CADPS2: variants seen among roughly 807,000 people sequenced by gnomAD.
The protein encoded by CADPS2 is calcium-dependent secretion activator 2.
CADPS2 carries 93 observed loss-of-function variants against 172.5 expected under a neutral mutation model. The ratio of observed to expected loss-of-function variants is 0.54; its 90% confidence interval spans 0.46 to 0.64. CADPS2 has a LOEUF of 0.64. Ranked by LOEUF, CADPS2 falls within the 30% of genes least tolerant of loss-of-function variation. CADPS2 has a pLI of 0.00. For missense variants in CADPS2, 1,420 were observed against 1,565.9 expected (o/e 0.91, Z 1.57); for synonymous variants, 546 against 555.2 (o/e 0.98, Z 0.23).
At chr7:122,351,013 T>G (rs1166694026) in intron 27 of CADPS2, among the ~76,000 whole-genome samples, 1 of 151,072 alleles carries the variant, frequency 6.6e-6, no homozygotes, top group East Asian at 1.9e-4. Flanking sequence ...AACGAACAAG[T>G]CACAAATATA....
chr7:122,777,535 C>A (rs902063792), intron 1 of CADPS2, among the ~76,000 whole-genome samples: 1 of 152,142 alleles, frequency 6.6e-6, no homozygotes, highest in African/African-American at 2.4e-5. Context: ...ATGTCCCCAC[C>A]CAAATGTCAT....
intron 17 of CADPS2, among the ~76,000 whole-genome samples, chr7:122,421,354 C>A (rs1408040270): frequency 6.6e-6 from 1 of 152,102 alleles, no homozygotes; most frequent in Non-Finnish European, 1.5e-5. Flanking sequence ...TCTGTACTTG[C>A]AGCTAAACAA....
chr7:122,613,514 T>C (rs2133829497), intron 6 of CADPS2, among the ~76,000 whole-genome samples: 1 of 152,270 alleles, frequency 6.6e-6, no homozygotes, highest in Admixed American at 6.5e-5. Context: ...AATCACCTAA[T>C]GACACGTTTC....
At chr7:122,516,642 A>C (rs550766570) in intron 8 of CADPS2, among the ~76,000 whole-genome samples, 69 of 152,272 alleles carry the variant, frequency 4.5e-4, no homozygotes, top group African/African-American at 1.5e-3. Context: ...AAAAAATAAT[A>C]ATTTTGCCAT....
rs759134436 is a variant in CADPS2, at chr7:122,392,389, G to GT, written c.3008+806dup. On this transcript the variant is annotated intron_variant, in intron 22 of 29. Transcript: ENST00000449022. Reference sequence around the variant, plus strand: ...AGAGCCTAGGATATGCCTCAATACAGTTTTTTTTTTTTAAATCATCACAAA... The same window carrying GT: ...AGAGCCTAGGATATGCCTCAATACAGTTTTTTTTTTTTTAAATCATCACAAA... Among the ~76,000 whole-genome samples, 1,270 of 146,510 alleles carry GT rather than the reference G, an allele frequency of 8.7e-3. 13 individuals carry two copies. The highest frequency in any genetic ancestry group is 0.026 in the African/African-American group (1,028 of 39,820).
intron 3 of CADPS2, among the ~76,000 whole-genome samples, chr7:122,656,339 GC>G (rs1382296204): frequency 1.3e-5 from 2 of 152,224 alleles, no homozygotes; most frequent in South Asian, 4.2e-4. Flanking sequence ...GAAAGGTTTT[GC>G]CTGAGGGAAA....
intron 8 of CADPS2, among the ~76,000 whole-genome samples, chr7:122,548,906 C>T (rs762013130): frequency 6.6e-5 from 10 of 152,030 alleles, no homozygotes; most frequent in African/African-American, 2.2e-4. Flanking sequence ...CAAAGAGCAA[C>T]GAACTACCAT....
chr7:122,474,646 C>T, intron 12 of CADPS2, 129 bp from the exon 13 acceptor site: 1 of 838,960 alleles, frequency 1.2e-6, no homozygotes, highest in Non-Finnish European at 1.8e-6. Context: ...AATATGATGC[C>T]AAGAGTTCAG....
At chr7:122,462,153 G>A (rs978270244) in intron 14 of CADPS2, among the ~76,000 whole-genome samples, 10 of 152,032 alleles carry the variant, frequency 6.6e-5, no homozygotes, top group African/African-American at 2.4e-4. Flanking sequence ...AAATAAGAAA[G>A]ATAATATTAA....
At chr7:122,397,595 T>C (rs1003635859) in intron 20 of CADPS2, among the ~76,000 whole-genome samples, 6 of 152,192 alleles carry the variant, frequency 3.9e-5, no homozygotes, top group African/African-American at 7.2e-5. Flanking sequence ...TGTAAATGTA[T>C]GCTCCTTCCT....
In CADPS2 at chr7:122,637,208, T is replaced by TTTTTTTTTTTTTTCTC. The variant is rs778963218; in HGVS notation, c.787-7881_787-7880insGAGAAAAAAAAAAAAA. Among the ~76,000 whole-genome samples, 15 of 62,664 alleles carry TTTTTTTTTTTTTTCTC rather than the reference T, an allele frequency of 2.4e-4. 1 individual carries two copies. Among genetic ancestry groups the TTTTTTTTTTTTTTCTC allele is most frequent in the East Asian group, 2.1e-3 (3 of 1,452 alleles). The allele number at this position is 62,664 out of a possible 152,430, so 41.1% of individuals were successfully genotyped here. A position where few individuals can be genotyped will look rare whatever the true frequency, so the allele number is the denominator to read the frequency against. ...TTTTTTTTTTTTTTTTTTTTTTTTT[T>TTTTTTTTTTTTTTCTC]CCTGAGACAGGGTCTCACTCTGTGG... On this transcript the variant is annotated intron_variant, in intron 3 of 29. Transcript: ENST00000449022.
intron 11 of CADPS2, among the ~76,000 whole-genome samples, chr7:122,486,999 GT>G (rs1447852431): frequency 2.1e-5 from 3 of 146,030 alleles, no homozygotes; most frequent in African/African-American, 7.6e-5. Flanking sequence ...CTACAGTGTA[GT>G]ATAAACATAA....
chr7:122,432,501 C>T (rs180972475), intron 17 of CADPS2, among the ~76,000 whole-genome samples: 1 of 151,786 alleles, frequency 6.6e-6, no homozygotes, highest in African/African-American at 2.4e-5. Flanking sequence ...ATTAGCCAGG[C>T]GTGGTGGCAG....
intron 1 of CADPS2, among the ~76,000 whole-genome samples, chr7:122,875,811 T>C (rs1026699262): frequency 6.6e-6 from 1 of 152,200 alleles, no homozygotes. Flanking sequence ...ATAGCTTTCA[T>C]ATATTCTCAT....
Position 122,737,051 on chromosome 7 carries a change from C to T in CADPS2, c.357G>A (p.Leu119=). 1 of 1,599,292 alleles carries T rather than the reference C, an allele frequency of 6.3e-7. No individual in the cohort carries two copies. The change falls in exon 2 of 30, where the codon TTG becomes TTA. Residue 119 remains leucine, a synonymous_variant. Transcript: ENST00000449022. Reference sequence around the variant, plus strand: ...CCTGGAACCGTTCTTTCAGTAACTGCAACTGTTGTTTGTTAAGCTACAAGA... The same window carrying T: ...CCTGGAACCGTTCTTTCAGTAACTGTAACTGTTGTTTGTTAAGCTACAAGA... ...RRQQKLNKQQ[L]QLLKERFQAF...
chr7:122,541,724 CAT>C (rs1491363241), intron 8 of CADPS2, among the ~76,000 whole-genome samples: 3 of 140,686 alleles, frequency 2.1e-5, no homozygotes, highest in South Asian at 2.2e-4. Context: ...TACATATATT[CAT>C]ATATATTTAT....
intron 1 of CADPS2, among the ~76,000 whole-genome samples, chr7:122,860,770 T>A (rs1816754378): frequency 6.6e-6 from 1 of 152,142 alleles, no homozygotes; most frequent in Non-Finnish European, 1.5e-5. Context: ...TAACCACTAT[T>A]ATACTCTCTA....
intron 2 of CADPS2, among the ~76,000 whole-genome samples, chr7:122,681,139 G>A (rs71574715): frequency 8.3e-6 from 1 of 120,580 alleles, no homozygotes; most frequent in Non-Finnish European, 1.7e-5. Context: ...TAGGGTGGGG[G>A]GAGGGGGAGG....
rs553443144 is a variant in CADPS2 at position 122,570,365 on chromosome 7, T to C, written c.1335+10814A>G. On this transcript the variant is annotated intron_variant, in intron 7 of 29. Transcript: ENST00000449022. ...CTCACACCAGTTAGAATGGCAATCA[T>C]TAAAAAGTCAGGAAACAACAGGTGC... Among the ~76,000 whole-genome samples the C allele has an allele frequency of 2.9e-4, 44 of 151,598 alleles. 1 individual carries two copies. The South Asian group carries it at 2.9e-3, about 10-fold the overall frequency.
Sources: allele counts gnomAD v4.1 joint callset (sites outside exome capture counted in the v4.1 genomes callset), GRCh38; gene constraint gnomAD v4.1.1; transcripts MANE v1.5; gene names NCBI Gene and HGNC (gene_info 2026-07-23, HGNC 2026-07-21).